Variants in PXDN observed in about 807,000 individuals in gnomAD.
The protein encoded by PXDN is peroxidasin.
Under a neutral mutation model 140.3 loss-of-function variants are expected in PXDN, and 77 were observed. The ratio of observed to expected loss-of-function variants is 0.55; its 90% CI spans 0.46 to 0.66. The LOEUF (loss-of-function observed/expected upper bound fraction) is 0.66, where lower values mean the gene tolerates loss of function less well. PXDN is among the 30% of genes least tolerant of loss of function. The pLI is 0.00. For synonymous variants in PXDN, 911 were observed against 857.4 expected, an observed-to-expected ratio of 1.06 and a Z score of -1.09; for missense variants, 1,838 against 2,039.5, an observed-to-expected ratio of 0.90 and a Z score of 1.90.
At chr2:1,636,009 A>C (rs376291108) in intron 21 of PXDN, 4 of 256,676 alleles carry the variant, frequency 1.6e-5, no homozygotes, top group Non-Finnish European at 3.0e-5. Flanking sequence ...TCCTTCCTCA[A>C]ACCCTCTCTT....
At position 1,740,217 on chromosome 2, in the gene PXDN, G is replaced by C. The variant is rs141909282; in HGVS notation, c.200+4039C>G. 1.9e-3 allele frequency among the ~76,000 whole-genome samples: 295 copies of C among 152,306 alleles called. 1 individual carries two copies. Among genetic ancestry groups the C allele is most frequent in the African/African-American group, 6.8e-3 (281 of 41,566 alleles). On this transcript the variant is annotated intron_variant, in intron 1 of 22. Coordinates refer to ENST00000252804, the MANE Select transcript of PXDN (RefSeq NM_012293.3). ...GACAGCCAGGGAGTCCCCGGCAGGC[G>C]GGCCCCTCTGCAGCACCAGCCAGCC... is the stretch of plus-strand genomic sequence containing the variant.
rs1350894749 is a variant in PXDN at position 1,648,441 on chromosome 2, G to A, written c.3339C>T (p.Gly1113=). ...FSPFRIVNEG[G]IDPLLRGLFG... ...ACAGCCCCCTGAGAAGCGGATCGAT[G>A]CCGCCCTCATTCACAATCCGGAAGG... Residue 1113 remains glycine (G), a synonymous_variant, in exon 17 of 23, where the codon GGC becomes GGT. Transcript: ENST00000252804. This position sits in a 1 kb window ranked among gnomAD's most constrained non-coding sequence, Gnocchi z 8.9. 2 of 1,610,442 alleles carry A rather than the reference G, an allele frequency of 1.2e-6. No individual in the cohort carries two copies. Among genetic ancestry groups the A allele is most frequent in the African/African-American group, 2.7e-5 (2 of 74,932 alleles).
intron 16 of PXDN, among the ~76,000 whole-genome samples, chr2:1,652,485 T>G (rs1486525168): frequency 1.0e-5 from 1 of 99,544 alleles, no homozygotes; most frequent in Admixed American, 9.4e-5. Context: ...AAATGGGCTC[T>G]GATGCTTCTC....
At chr2:1,697,942 A>C (rs541736682) in intron 1 of PXDN, among the ~76,000 whole-genome samples, 1 of 152,222 alleles carries the variant, frequency 6.6e-6, no homozygotes, top group Non-Finnish European at 1.5e-5. Context: ...TGGGAAACCT[A>C]TAAGTGGCGT....
Position 1,653,173 on chromosome 2 carries a change from C to T in PXDN, c.2104+455G>A, listed in dbSNP as rs1472210269. The T allele has an allele frequency of 1.2e-4, 34 of 280,416 alleles. No homozygotes were observed. The East Asian group carries it at 1.2e-3, about 10-fold the overall frequency. The allele number at this position is 280,416 out of a possible 1,614,324, so 17.4% of individuals were successfully genotyped here. Reference sequence around the variant, plus strand: ...CCCCAACAGCATCTCCACACCAGCCCGAGGTGATCTCATCAGCTGGTTTCA... The same window carrying T: ...CCCCAACAGCATCTCCACACCAGCCTGAGGTGATCTCATCAGCTGGTTTCA... On this transcript the variant is annotated intron_variant, in intron 16 of 22. Coordinates refer to ENST00000252804, the MANE Select transcript of PXDN (RefSeq NM_012293.3).
In PXDN at chr2:1,687,971, A is replaced by T. The variant is rs961650143; in HGVS notation, c.345-268T>A. On this transcript the variant is annotated intron_variant, in intron 3 of 22. Transcript: ENST00000252804. The surrounding 1 kb of genome is among the most constrained non-coding windows in gnomAD (Gnocchi z 4.0). ...TCAGGCAACTCACAGACCTTAGACT[A>T]TGGCTAATGAATTGCTGACAATACA... 2.6e-5 allele frequency among the ~76,000 whole-genome samples: 4 copies of T among 152,228 alleles called. No homozygotes were observed. Among genetic ancestry groups the T allele is most frequent in the African/African-American group, 9.6e-5 (4 of 41,452 alleles).
Position 1,660,822 on chromosome 2 carries a change from G to A in PXDN, c.1837+59C>T. On this transcript the variant is annotated intron_variant, in intron 14 of 22. Transcript: ENST00000252804. The surrounding 1 kb of genome is among the most constrained non-coding windows in gnomAD (Gnocchi z 4.6). Reference sequence around the variant, plus strand: ...TCAACTGGCCTGGGACCACACTAGGGACCTGCGGGCTTTCTTTGTGGATAC... The same window carrying A: ...TCAACTGGCCTGGGACCACACTAGGAACCTGCGGGCTTTCTTTGTGGATAC... 5 of 1,560,406 alleles carry A rather than the reference G, an allele frequency of 3.2e-6. No individual in the cohort carries two copies. The highest frequency in any genetic ancestry group is 3.5e-6 in the Non-Finnish European group (4 of 1,149,986).
chr2:1,680,859 G>A (rs1683883696), intron 6 of PXDN, among the ~76,000 whole-genome samples: 1 of 152,176 alleles, frequency 6.6e-6, no homozygotes, highest in African/African-American at 2.4e-5. Flanking sequence ...TGTGGGAAGG[G>A]GGGCTGCATC....
chr2:1,680,776 G>C (rs1470759855), intron 6 of PXDN, among the ~76,000 whole-genome samples: 1 of 152,184 alleles, frequency 6.6e-6, no homozygotes, highest in African/African-American at 2.4e-5. Context: ...AACCACCACT[G>C]TCACTCAACG....
chr2:1,687,748 T>C lies in PXDN; in HGVS notation c.345-45A>G, dbSNP rs1246698779. ...GGAGCATTAGCACACAGACAGGAGG[T>C]CAAACTTCAGACGGAAAAGAAGAAT... On this transcript the variant is annotated intron_variant, in intron 3 of 22. Transcript: ENST00000252804. This position sits in a 1 kb window ranked among gnomAD's most constrained non-coding sequence, Gnocchi z 4.0. 1.5e-6 allele frequency: 2 copies of C among 1,374,712 alleles called. No homozygotes were observed. Among genetic ancestry groups the C allele is most frequent in the East Asian group, 2.4e-5 (1 of 42,232 alleles). The allele number at this position is 1,374,712 out of a possible 1,614,324, so 85.2% of individuals were successfully genotyped here. A position where few individuals can be genotyped will look rare whatever the true frequency, so the allele number is the denominator to read the frequency against.
chr2:1,741,055 G>T (rs1685531756), intron 1 of PXDN, among the ~76,000 whole-genome samples: 1 of 152,128 alleles, frequency 6.6e-6, no homozygotes, highest in Admixed American at 6.5e-5. Context: ...ATGAATCCAT[G>T]ACCATAGCCT....
chr2:1,692,434 G>A, intron 2 of PXDN: 1 of 466,966 alleles, frequency 2.1e-6, no homozygotes, highest in Non-Finnish European at 4.4e-6. Context: ...ACAGACAAGG[G>A]CCTGGGGTGA....
intron 16 of PXDN, chr2:1,653,173 C>A (rs1472210269): frequency 7.1e-6 from 2 of 280,416 alleles, no homozygotes; most frequent in Non-Finnish European, 1.4e-5. Flanking sequence ...CACACCAGCC[C>A]GAGGTGATCT....
At chr2:1,713,369 C>A (rs556173876) in intron 1 of PXDN, among the ~76,000 whole-genome samples, 1 of 152,186 alleles carries the variant, frequency 6.6e-6, no homozygotes, top group Non-Finnish European at 1.5e-5. Context: ...TCCATCCCTG[C>A]GAAAAGAAGC....
At chr2:1,721,960 TCCCACATA>T (rs143892524) in intron 1 of PXDN, among the ~76,000 whole-genome samples, 6,092 of 152,238 alleles carry the variant, frequency 0.04, 376 homozygotes, top group African/African-American at 0.14. Context: ...CTAGGGGAAT[TCCCACATA>T]CACATCACTT....
At chr2:1,712,568 C>T (rs1002931082) in intron 1 of PXDN, among the ~76,000 whole-genome samples, 1 of 152,146 alleles carries the variant, frequency 6.6e-6, no homozygotes, top group Non-Finnish European at 1.5e-5. Context: ...TCTAAATTTG[C>T]TAAATTCCTC....
chr2:1,640,677 G>A (rs1053865805), intron 19 of PXDN, among the ~76,000 whole-genome samples: 2 of 152,180 alleles, frequency 1.3e-5, no homozygotes, highest in Non-Finnish European at 2.9e-5. Flanking sequence ...AAACTCCTGG[G>A]CACACAAATA....
In PXDN at chr2:1,679,836, GGT is replaced by G. The variant is rs145707840; in HGVS notation, c.730+355_730+356del. ...GTGTGTAAATGGTGTGTGTGTGGAT[GGT>G]GTGTGTGTGTATGTGCGTGTGTGTG... On this transcript the variant is annotated intron_variant, in intron 7 of 22. Transcript: ENST00000252804. 2.1e-3 allele frequency among the ~76,000 whole-genome samples: 301 copies of G among 145,040 alleles called. 2 individuals carry two copies. The highest frequency in any genetic ancestry group is 6.7e-3 in the African/African-American group (256 of 38,482).
At chr2:1,635,789 G>A (rs1039309935) in intron 21 of PXDN, 9 of 454,438 alleles carry the variant, frequency 2.0e-5, no homozygotes, top group Non-Finnish European at 3.7e-5. Flanking sequence ...GACTGTGGGA[G>A]CAAGATTCAA....
Sources: gnomAD v4.1 joint callset for allele counts (sites outside exome capture counted in the v4.1 genomes callset) on GRCh38, gnomAD v4.1.1 for gene constraint, Gnocchi (gnomAD v3.1) non-coding constraint, MANE v1.5 for transcripts, NCBI Gene and HGNC (gene_info 2026-07-23, HGNC 2026-07-21) for gene names.